Variants in ANKS1B observed in about 807,000 individuals in gnomAD.
The protein encoded by ANKS1B is ankyrin repeat and sterile alpha motif domain-containing protein 1B.
In ANKS1B, 36 loss-of-function variants were observed where a neutral mutation model predicts 148.3. The observed-to-expected ratio is 0.24, with a 90% CI of 0.19 to 0.32. ANKS1B has a LOEUF of 0.32. Ranked by LOEUF, ANKS1B falls within the 10% of genes least tolerant of loss-of-function variation. The pLI, the probability that ANKS1B is intolerant of heterozygous loss-of-function variation, is 1.00. For missense variants in ANKS1B, 1,157 were observed against 1,542.6 expected, an observed-to-expected ratio of 0.75 and a Z score of 4.19; for synonymous variants, 542 against 560.8, an observed-to-expected ratio of 0.97 and a Z score of 0.47.
chr12:99,942,428 A>G (rs2094942698), intron 1 of ANKS1B, among the ~76,000 whole-genome samples: 1 of 152,146 alleles, frequency 6.6e-6, no homozygotes, highest in South Asian at 2.1e-4. Context: ...GTGAATGGTG[A>G]GGCAGTGGAG....
intron 14 of ANKS1B, among the ~76,000 whole-genome samples, chr12:99,218,896 A>T (rs2084654816): frequency 6.6e-6 from 1 of 152,238 alleles, no homozygotes; most frequent in Non-Finnish European, 1.5e-5. Context: ...CATGTGAAAG[A>T]TTCTATGAGT....
At chr12:99,305,726 C>T (rs549359724) in intron 12 of ANKS1B, among the ~76,000 whole-genome samples, 1 of 152,196 alleles carries the variant, frequency 6.6e-6, no homozygotes, top group South Asian at 2.1e-4. Context: ...TGAATAACCA[C>T]AGAAAGGAGC....
chr12:99,603,694 T>C (rs1785517026), intron 9 of ANKS1B, among the ~76,000 whole-genome samples: 1 of 152,168 alleles, frequency 6.6e-6, no homozygotes, highest in African/African-American at 2.4e-5. Flanking sequence ...AATGTTTTAA[T>C]TCTGTTTACA....
At chr12:99,602,032 AG>A (rs1262269070) in intron 9 of ANKS1B, among the ~76,000 whole-genome samples, 5 of 151,870 alleles carry the variant, frequency 3.3e-5, no homozygotes, top group Admixed American at 2.0e-4. Context: ...TTTAGGGGAG[AG>A]GGTTTCTAGT....
chr12:98,773,763 T>TA (rs1421683549), intron 24 of ANKS1B, among the ~76,000 whole-genome samples: 5 of 152,140 alleles, frequency 3.3e-5, no homozygotes, highest in African/African-American at 1.2e-4. Context: ...GCCTCCACTT[T>TA]AAAAAATAAT....
chr12:99,138,553 T>A (rs1314961158), intron 15 of ANKS1B, among the ~76,000 whole-genome samples: 1 of 152,216 alleles, frequency 6.6e-6, no homozygotes, highest in Non-Finnish European at 1.5e-5. Context: ...GTGTGTGCTG[T>A]CATCTGGGTG....
At chr12:99,375,166 C>T (rs759787710) in intron 12 of ANKS1B, among the ~76,000 whole-genome samples, 2 of 152,210 alleles carry the variant, frequency 1.3e-5, no homozygotes, top group Non-Finnish European at 2.9e-5. Context: ...AACTTCAGCA[C>T]TACTGACATC....
Position 98,768,806 on chromosome 12 carries a change from C to T in ANKS1B, c.3579+4236G>A, listed in dbSNP as rs1328056475. Among the ~76,000 whole-genome samples the T allele has an allele frequency of 2.6e-5, 4 of 151,916 alleles. No individual in the cohort carries two copies. The East Asian group carries it at 7.7e-4, about 29-fold the overall frequency. ...AGCCCCGCACACTCCACCCCCGCCT[C>T]ACATCTGAGCACATTCAGGGCCCTG... On this transcript the variant is annotated intron_variant, in intron 25 of 26. Transcript: ENST00000683438.
At chr12:98,758,271 C>G (rs759974275) in intron 25 of ANKS1B, among the ~76,000 whole-genome samples, 1 of 152,144 alleles carries the variant, frequency 6.6e-6, no homozygotes, top group Non-Finnish European at 1.5e-5. Context: ...ATAACTTGCT[C>G]ATGAAGTCAG....
chr12:99,843,959 T>C (rs1231929301), intron 1 of ANKS1B, among the ~76,000 whole-genome samples: 2 of 152,156 alleles, frequency 1.3e-5, no homozygotes, highest in Non-Finnish European at 2.9e-5. Flanking sequence ...TGGTGTGAGA[T>C]GGTATCTCAT....
intron 1 of ANKS1B, among the ~76,000 whole-genome samples, chr12:99,960,786 T>C (rs1021863283): frequency 7.9e-5 from 12 of 152,204 alleles, no homozygotes; most frequent in Non-Finnish European, 1.8e-4. Flanking sequence ...ATAACATTTA[T>C]AGCCAATAAC....
At chr12:98,748,734 T>C (rs1199461015) in intron 26 of ANKS1B, among the ~76,000 whole-genome samples, 1 of 152,190 alleles carries the variant, frequency 6.6e-6, no homozygotes, top group Non-Finnish European at 1.5e-5. Flanking sequence ...ACATCAGTAT[T>C]ATTCACTGTA....
intron 1 of ANKS1B, among the ~76,000 whole-genome samples, chr12:99,830,124 A>C (rs2083743899): frequency 6.6e-6 from 1 of 152,116 alleles, no homozygotes; most frequent in Non-Finnish European, 1.5e-5. Flanking sequence ...ATTAATGGAC[A>C]CTCTCCAAGT....
chr12:99,578,167 T>C (rs1383370667), intron 9 of ANKS1B, among the ~76,000 whole-genome samples: 2 of 152,020 alleles, frequency 1.3e-5, no homozygotes, highest in African/African-American at 4.8e-5. Flanking sequence ...AAATCCAACA[T>C]CCCTTCATGA....
intron 17 of ANKS1B, among the ~76,000 whole-genome samples, chr12:98,966,152 G>C (rs1056248535): frequency 1.3e-5 from 2 of 152,096 alleles, no homozygotes; most frequent in Non-Finnish European, 2.9e-5. Flanking sequence ...CTACTCATCT[G>C]ACAAAGGGCT....
intron 8 of ANKS1B, among the ~76,000 whole-genome samples, chr12:99,708,238 A>G (rs1231502500): frequency 6.6e-6 from 1 of 152,142 alleles, no homozygotes; most frequent in African/African-American, 2.4e-5. Flanking sequence ...TCAGTATGGA[A>G]GTCTCTCTTT....
At chr12:99,543,454 A>G (rs964361671) in intron 9 of ANKS1B, among the ~76,000 whole-genome samples, 2 of 152,132 alleles carry the variant, frequency 1.3e-5, no homozygotes, top group African/African-American at 4.8e-5. Flanking sequence ...ATATGACTCC[A>G]ATATTCTACC....
chr12:99,648,089 G>A, intron 9 of ANKS1B: 1 of 1,522,788 alleles, frequency 6.6e-7, no homozygotes, highest in South Asian at 1.3e-5. Flanking sequence ...ACCTGCCAGA[G>A]TAGCCAAGGA....
chr12:99,508,310 G>C (rs552193450), intron 9 of ANKS1B, among the ~76,000 whole-genome samples: 41 of 151,814 alleles, frequency 2.7e-4, no homozygotes, highest in African/African-American at 8.7e-4. Flanking sequence ...CCAGGGTTAT[G>C]CTGCCTATTC....
Sources: gnomAD v4.1 joint callset for allele counts (sites outside exome capture counted in the v4.1 genomes callset) on GRCh38, gnomAD v4.1.1 for gene constraint, MANE v1.5 for transcripts, NCBI Gene and HGNC (gene_info 2026-07-23, HGNC 2026-07-21) for gene names.